GRIN2A: variants seen among roughly 807,000 people sequenced by gnomAD.
The protein encoded by GRIN2A is glutamate ionotropic receptor NMDA type subunit 2A, also known as glutamate receptor ionotropic, NMDA 2A.
Under a neutral mutation model 113.4 loss-of-function variants are expected in GRIN2A, and 22 were observed. The observed-to-expected ratio is 0.19, with a 90% CI of 0.14 to 0.28. The LOEUF (loss-of-function observed/expected upper bound fraction) is 0.28, where lower values mean the gene tolerates loss of function less well. GRIN2A is among the 10% of genes least tolerant of loss of function. The probability of loss-of-function intolerance (pLI) is 1.00; values close to 1 mark genes in which losing one functional copy is unlikely to be tolerated. For missense variants in GRIN2A, 1,502 were observed against 1,887.0 expected (o/e 0.80, Z 3.78); for synonymous variants, 827 against 738.4 (o/e 1.12, Z -1.94).
chr16:10,081,156 C>T (rs978369573), intron 2 of GRIN2A, among the ~76,000 whole-genome samples: 4 of 152,172 alleles, frequency 2.6e-5, no homozygotes, highest in Admixed American at 1.3e-4. Flanking sequence ...TTACATGCTT[C>T]GTCCTGAGGT....
At chr16:10,178,115 G>T (rs1164095804) in intron 2 of GRIN2A, among the ~76,000 whole-genome samples, 2 of 152,166 alleles carry the variant, frequency 1.3e-5, no homozygotes, top group Non-Finnish European at 2.9e-5. Context: ...ACTCAAGAAG[G>T]AAGAAGGGAT....
chr16:10,019,781 G>C (rs1254422690), intron 2 of GRIN2A, among the ~76,000 whole-genome samples: 1 of 152,204 alleles, frequency 6.6e-6, no homozygotes, highest in Non-Finnish European at 1.5e-5. Context: ...GGCTGACTTA[G>C]AAATGGCCAT....
Position 9,827,186 on chromosome 16 carries a change from A to C in GRIN2A, c.2007+2237T>G, listed in dbSNP as rs560883463. 2.6e-5 allele frequency among the ~76,000 whole-genome samples: 4 copies of C among 152,372 alleles called. No individual in the cohort carries two copies. In the East Asian group the frequency reaches 5.8e-4, roughly 22 times the overall value. ...GACAAAGCAGGCACCGTGAGGTGAC[A>C]TGGCTTTAAAAACATTATACGGCTG... On this transcript the variant is annotated intron_variant, in intron 9 of 12. Transcript: ENST00000330684.
chr16:9,921,849 G>T (rs1404184919), intron 3 of GRIN2A, among the ~76,000 whole-genome samples: 1 of 152,168 alleles, frequency 6.6e-6, no homozygotes, highest in Non-Finnish European at 1.5e-5. Context: ...CTTCTGTCAT[G>T]CCTTTGCCAT....
At chr16:9,778,334 A>G (rs1901732260) in intron 11 of GRIN2A, among the ~76,000 whole-genome samples, 2 of 152,222 alleles carry the variant, frequency 1.3e-5, no homozygotes, top group South Asian at 4.1e-4. Flanking sequence ...AATCTGCCTC[A>G]CACAAATAAA....
At chr16:9,986,681 C>G (rs2045984310) in intron 2 of GRIN2A, among the ~76,000 whole-genome samples, 1 of 149,046 alleles carries the variant, frequency 6.7e-6, no homozygotes, top group Admixed American at 6.7e-5. Context: ...AAGAGAATCA[C>G]TTAAACTCAG....
intron 2 of GRIN2A, among the ~76,000 whole-genome samples, chr16:10,178,670 A>G (rs897236347): frequency 2.0e-5 from 3 of 152,246 alleles, no homozygotes; most frequent in African/African-American, 7.2e-5. Flanking sequence ...CACTGCATCA[A>G]TTGTGTGCTA....
chr16:9,967,710 A>C (rs2045583621), intron 2 of GRIN2A, among the ~76,000 whole-genome samples: 1 of 151,992 alleles, frequency 6.6e-6, no homozygotes, highest in Non-Finnish European at 1.5e-5. Context: ...CATCTCAAAA[A>C]AAAAATTACA....
At chr16:10,136,487 C>T (rs751050016) in intron 2 of GRIN2A, among the ~76,000 whole-genome samples, 35 of 152,072 alleles carry the variant, frequency 2.3e-4, no homozygotes, top group Non-Finnish European at 4.4e-4. Flanking sequence ...GCTAATTATA[C>T]TCAATTGTAG....
intron 10 of GRIN2A, among the ~76,000 whole-genome samples, chr16:9,814,370 T>C (rs1383974934): frequency 6.6e-6 from 1 of 152,174 alleles, no homozygotes; most frequent in Admixed American, 6.5e-5. Flanking sequence ...TTCACATTCT[T>C]CATCTCTTAA....
chr16:10,104,158 A>G (rs1456825137), intron 2 of GRIN2A, among the ~76,000 whole-genome samples: 1 of 152,224 alleles, frequency 6.6e-6, no homozygotes, highest in African/African-American at 2.4e-5. Flanking sequence ...TATAAATGCT[A>G]TTTCTCTTAA....
In GRIN2A at chr16:9,764,585, T is replaced by G; in HGVS notation, c.2959A>C (p.Thr987Pro). The change falls in exon 13 of 13, where the codon ACT (threonine) becomes CCT (proline). Residue 987 changes from threonine to proline, a missense_variant. By Grantham distance (38) the Thr-to-Pro change is conservative. This residue lies in a region of GRIN2A where 832 missense variants were observed against 789.7 expected (regional missense o/e 1.05). Transcript: ENST00000330684. ...GTGTTAGGGTTGGACTCATTGAGAGTAAGAGGATGTTGTCCCTGGAATACA... is the reference window on the plus strand; with the variant it reads ...GTGTTAGGGTTGGACTCATTGAGAGGAAGAGGATGTTGTCCCTGGAATACA... ...NYVFQGQHPL[T>P]LNESNPNTVE... The G allele has an allele frequency of 2.5e-6, 4 of 1,614,016 alleles. No homozygotes were observed. The highest frequency in any genetic ancestry group is 3.4e-6 in the Non-Finnish European group (4 of 1,180,020).
At chr16:10,014,620 G>C (rs996478179) in intron 2 of GRIN2A, among the ~76,000 whole-genome samples, 1 of 152,186 alleles carries the variant, frequency 6.6e-6, no homozygotes, top group Non-Finnish European at 1.5e-5. Context: ...CCATTATAAA[G>C]AAAGTTGGGT....
chr16:9,861,670 A>G (rs1187757018), intron 4 of GRIN2A, among the ~76,000 whole-genome samples: 1 of 152,200 alleles, frequency 6.6e-6, no homozygotes, highest in Non-Finnish European at 1.5e-5. Flanking sequence ...TACCTGATCT[A>G]AAGAGTATCC....
At chr16:9,878,973 A>G (rs140530718) in intron 4 of GRIN2A, among the ~76,000 whole-genome samples, 1 of 152,126 alleles carries the variant, frequency 6.6e-6, no homozygotes, top group Non-Finnish European at 1.5e-5. Context: ...TATTTTCCTC[A>G]CTGTGACCTA....
At chr16:10,023,278 G>T (rs180850863) in intron 2 of GRIN2A, among the ~76,000 whole-genome samples, 1 of 152,204 alleles carries the variant, frequency 6.6e-6, no homozygotes, top group Admixed American at 6.5e-5. Flanking sequence ...TCATCCAACT[G>T]AGGCAGGGCT....
At chr16:9,996,705 C>T (rs1391355726) in intron 2 of GRIN2A, among the ~76,000 whole-genome samples, 1 of 152,158 alleles carries the variant, frequency 6.6e-6, no homozygotes. Flanking sequence ...ATAAGCTCCA[C>T]CAATGGGAAG....
At chr16:10,083,432 C>T (rs75142508) in intron 2 of GRIN2A, among the ~76,000 whole-genome samples, 27,201 of 152,220 alleles carry the variant, frequency 0.18, 2,898 homozygotes, top group East Asian at 0.4. Context: ...AGTTTGATCT[C>T]AGGACATTTC....
chr16:9,960,836 G>A (rs2045424622), intron 2 of GRIN2A, among the ~76,000 whole-genome samples: 1 of 152,152 alleles, frequency 6.6e-6, no homozygotes, highest in African/African-American at 2.4e-5. Flanking sequence ...ATGTCGTCCA[G>A]GCTAGTCTCA....
Sources: allele counts gnomAD v4.1 joint callset (sites outside exome capture counted in the v4.1 genomes callset), GRCh38; gene constraint gnomAD v4.1.1; regional missense constraint gnomAD v4.1.1; transcripts MANE v1.5; gene names NCBI Gene and HGNC (gene_info 2026-07-23, HGNC 2026-07-21).